Variants in RBFOX3 observed in about 807,000 individuals in gnomAD.
The protein encoded by RBFOX3 is RNA binding fox-1 homolog 3.
Under a neutral mutation model 48.7 loss-of-function variants are expected in RBFOX3, and 17 were observed. The ratio of observed to expected loss-of-function variants is 0.35; its 90% CI spans 0.24 to 0.52. RBFOX3 has a LOEUF of 0.52. Ranked by LOEUF, RBFOX3 falls within the 20% of genes least tolerant of loss-of-function variation. The pLI is 0.94. For synonymous variants in RBFOX3, 212 were observed against 209.5 expected, an observed-to-expected ratio of 1.01 and a Z score of -0.10; for missense variants, 382 against 497.5, an observed-to-expected ratio of 0.77 and a Z score of 2.21.
intron 3 of RBFOX3, among the ~76,000 whole-genome samples, chr17:79,275,193 T>C (rs571511553): frequency 1.8e-4 from 15 of 81,864 alleles, no homozygotes; most frequent in African/African-American, 6.9e-4. Flanking sequence ...GGCCTCATGC[T>C]CCTCCCCTGG....
chr17:79,628,338 T>G, the RBFOX3 span, among the ~76,000 whole-genome samples: 1 of 151,978 alleles, frequency 6.6e-6, no homozygotes, highest in Admixed American at 6.6e-5. Context: ...CCTGATCGTT[T>G]CCCCCTCGAA....
chr17:79,472,013 A>C (rs1157514560), intron 2 of RBFOX3, among the ~76,000 whole-genome samples: 1 of 152,254 alleles, frequency 6.6e-6, no homozygotes, highest in African/African-American at 2.4e-5. Context: ...AAAAGGGGAC[A>C]GGTGACAAGA....
At chr17:79,497,230 T>C (rs995813356) in intron 1 of RBFOX3, among the ~76,000 whole-genome samples, 24 of 152,198 alleles carry the variant, frequency 1.6e-4, no homozygotes, top group African/African-American at 5.6e-4. Context: ...ATGGCTATAA[T>C]GGTACAGATA....
chr17:79,612,786 G>T (rs952438204), upstream of RBFOX3, among the ~76,000 whole-genome samples: 12 of 152,210 alleles, frequency 7.9e-5, no homozygotes, highest in African/African-American at 2.9e-4. Context: ...AGATGGTCCA[G>T]GCTTTCGTGG....
At chr17:79,619,522 GC>G in the RBFOX3 span, among the ~76,000 whole-genome samples, 1 of 152,266 alleles carries the variant, frequency 6.6e-6, no homozygotes, top group East Asian at 1.9e-4. Flanking sequence ...TTGTACAAGG[GC>G]AGCAGTCGTT....
At position 79,420,383 on chromosome 17, in the gene RBFOX3, A is replaced by C. The variant is rs188705767; in HGVS notation, c.-175+62071T>G. Among the ~76,000 whole-genome samples the C allele has an allele frequency of 1.8e-3, 273 of 152,306 alleles. 1 individual carries two copies. The highest frequency in any genetic ancestry group is 5.7e-3 in the African/African-American group (235 of 41,562). On this transcript the variant is annotated intron_variant, in intron 2 of 14. Coordinates refer to ENST00000693108, the MANE Select transcript of RBFOX3 (RefSeq NM_001350451.2). ...TGCAGCACCAAGTCAGGGACTCCCAATTAGAACGCCCCCACCCACGAAGGG... is the reference window on the plus strand; with the variant it reads ...TGCAGCACCAAGTCAGGGACTCCCACTTAGAACGCCCCCACCCACGAAGGG...
In RBFOX3 at chr17:79,364,518, G is replaced by T. The variant is rs569537969; in HGVS notation, c.-174-56694C>A. Among the ~76,000 whole-genome samples, 1 of 152,236 alleles carries T rather than the reference G, an allele frequency of 6.6e-6. No individual in the cohort carries two copies. Among genetic ancestry groups the T allele is most frequent in the African/African-American group, 2.4e-5 (1 of 41,456 alleles). Reference sequence around the variant, plus strand: ...TCCCAGGCATCTGATGGGTCAGTGCGCAGTTAATGAGTGTGTTGACTGCAC... The same window carrying T: ...TCCCAGGCATCTGATGGGTCAGTGCTCAGTTAATGAGTGTGTTGACTGCAC... On this transcript the variant is annotated intron_variant, in intron 2 of 14. Coordinates refer to ENST00000693108, the MANE Select transcript of RBFOX3 (RefSeq NM_001350451.2). This position sits in a 1 kb window ranked among gnomAD's most constrained non-coding sequence, Gnocchi z 5.1.
intron 2 of RBFOX3, among the ~76,000 whole-genome samples, chr17:79,313,996 T>G (rs2077197265): frequency 6.6e-6 from 1 of 152,144 alleles, no homozygotes; most frequent in African/African-American, 2.4e-5. Context: ...CAAACTGGCC[T>G]GGGGGCTCAG....
chr17:79,429,697 C>T (rs1598653427), intron 2 of RBFOX3, among the ~76,000 whole-genome samples: 1 of 152,050 alleles, frequency 6.6e-6, no homozygotes, highest in African/African-American at 2.4e-5. Context: ...CTAGGAGCTC[C>T]ATTTTACAGA....
chr17:79,639,519 C>T, the RBFOX3 span, among the ~76,000 whole-genome samples: 1 of 152,144 alleles, frequency 6.6e-6, no homozygotes, highest in Non-Finnish European at 1.5e-5. Context: ...ATAGCACAGT[C>T]AGACAAAGAC....
intron 3 of RBFOX3, among the ~76,000 whole-genome samples, chr17:79,282,445 G>A (rs1045567023): frequency 3.3e-5 from 5 of 152,186 alleles, no homozygotes; most frequent in African/African-American, 9.6e-5. Context: ...GAAAAATGAC[G>A]AGAGTGAATT....
intron 4 of RBFOX3, among the ~76,000 whole-genome samples, chr17:79,178,158 C>T (rs889017294): frequency 6.6e-6 from 1 of 152,220 alleles, no homozygotes; most frequent in Non-Finnish European, 1.5e-5. Flanking sequence ...CATGCTTATC[C>T]TGTGTCCAGC....
intron 4 of RBFOX3, among the ~76,000 whole-genome samples, chr17:79,151,386 C>T (rs67036836): frequency 0.6 from 59,520 of 99,900 alleles, 17,896 homozygotes; most frequent in Non-Finnish European, 0.65. Context: ...AGGGGCTTCC[C>T]GGCAGAGAGC....
At chr17:79,485,247 G>A (rs1378055309) in intron 1 of RBFOX3, among the ~76,000 whole-genome samples, 12 of 152,152 alleles carry the variant, frequency 7.9e-5, no homozygotes. Context: ...GGCAGGGGAG[G>A]CGCCCACAGG....
intron 4 of RBFOX3, among the ~76,000 whole-genome samples, chr17:79,146,237 G>T (rs930334294): frequency 2.0e-5 from 3 of 152,166 alleles, no homozygotes; most frequent in Non-Finnish European, 4.4e-5. Flanking sequence ...TTGTCACAAC[G>T]TGGGGTGTCC....
At chr17:79,304,869 T>A (rs1482193971) in intron 3 of RBFOX3, among the ~76,000 whole-genome samples, 2 of 152,178 alleles carry the variant, frequency 1.3e-5, no homozygotes, top group Non-Finnish European at 2.9e-5. Context: ...GGGTGCCGTG[T>A]TCTCGAGGCA....
chr17:79,185,073 G>T (rs2053120024), intron 4 of RBFOX3, among the ~76,000 whole-genome samples: 1 of 151,814 alleles, frequency 6.6e-6, no homozygotes, highest in African/African-American at 2.4e-5. Context: ...CAGGCACCTG[G>T]GACCATTCTC....
At chr17:79,109,469 G>T (rs1400239968) in intron 5 of RBFOX3, among the ~76,000 whole-genome samples, 2 of 152,260 alleles carry the variant, frequency 1.3e-5, no homozygotes, top group Non-Finnish European at 2.9e-5. Flanking sequence ...CAGCAGCCCA[G>T]TTTCCCAGTT....
At chr17:79,464,676 G>A (rs1283243210) in intron 2 of RBFOX3, among the ~76,000 whole-genome samples, 1 of 152,236 alleles carries the variant, frequency 6.6e-6, no homozygotes, top group East Asian at 1.9e-4. Flanking sequence ...AAAAGAAGGA[G>A]AATACATTTC....
Sources: allele counts gnomAD v4.1 joint callset (sites outside exome capture counted in the v4.1 genomes callset), GRCh38; gene constraint gnomAD v4.1.1; non-coding constraint Gnocchi (gnomAD v3.1); transcripts MANE v1.5; gene names NCBI Gene and HGNC (gene_info 2026-07-23, HGNC 2026-07-21).